Variants in DNAJB13 observed in about 807,000 individuals in gnomAD.
DNAJB13 encodes DnaJ heat shock protein family (Hsp40) member B13, also known as dnaJ homolog subfamily B member 13.
A neutral mutation model predicts 35.6 loss-of-function variants in DNAJB13; 22 were observed. That is an observed-to-expected ratio of 0.62 (90% CI 0.44 to 0.88). The LOEUF (loss-of-function observed/expected upper bound fraction) is 0.88. DNAJB13 is among the 40% of genes least tolerant of loss of function. The pLI is 0.00. For missense variants in DNAJB13, 370 were observed against 384.3 expected (o/e 0.96, Z 0.31); for synonymous variants, 136 against 144.2 (o/e 0.94, Z 0.41).
At chr11:73,964,761 GA>G (rs1177238387) in intron 3 of DNAJB13, 116 bp from the exon 4 acceptor site, 1 of 1,087,440 alleles carries the variant, frequency 9.2e-7, no homozygotes, top group Admixed American at 2.0e-5. Flanking sequence ...TCTGGATAGG[GA>G]GGCTGTGTGT....
chr11:73,956,170 G>C (rs1354125661), intron 1 of DNAJB13, among the ~76,000 whole-genome samples: 1 of 152,164 alleles, frequency 6.6e-6, no homozygotes, highest in African/African-American at 2.4e-5. Context: ...ATATACACCT[G>C]GAACACAGCA....
chr11:73,959,306 G>C (rs1177971249), intron 2 of DNAJB13, among the ~76,000 whole-genome samples, 188 bp from the exon 3 acceptor site: 3 of 151,992 alleles, frequency 2.0e-5, no homozygotes, highest in Non-Finnish European at 4.4e-5. Context: ...GCCATACCTA[G>C]GTCCTCCCAG....
At chr11:73,961,641 GA>G (rs771068139) in intron 3 of DNAJB13, among the ~76,000 whole-genome samples, 2 of 152,196 alleles carry the variant, frequency 1.3e-5, no homozygotes, top group Non-Finnish European at 2.9e-5. Flanking sequence ...AGCAGCTCAG[GA>G]ACTACCTGAT....
At chr11:73,962,651 C>T (rs1330003669) in intron 3 of DNAJB13, among the ~76,000 whole-genome samples, 1 of 152,200 alleles carries the variant, frequency 6.6e-6, no homozygotes, top group East Asian at 1.9e-4. Flanking sequence ...AGATTTTTCA[C>T]TGCCTGTTTT....
chr11:73,968,949 T>C (rs1410503592), intron 6 of DNAJB13, among the ~76,000 whole-genome samples: 4 of 152,142 alleles, frequency 2.6e-5, no homozygotes, highest in Admixed American at 2.6e-4. Context: ...CCACCACTGC[T>C]ACCACTTCCT....
intron 3 of DNAJB13, among the ~76,000 whole-genome samples, chr11:73,963,204 G>A (rs1192850379): frequency 6.6e-6 from 1 of 151,996 alleles, no homozygotes; most frequent in Non-Finnish European, 1.5e-5. Flanking sequence ...ACAAAGCCAG[G>A]CACAGTGGTG....
chr11:73,959,099 G>T (rs531921015), intron 2 of DNAJB13, among the ~76,000 whole-genome samples: 1 of 152,246 alleles, frequency 6.6e-6, no homozygotes, highest in Admixed American at 6.5e-5. Context: ...AAATTTGGAG[G>T]CTCTAGAATT....
intron 5 of DNAJB13, 29 bp from the exon 6 acceptor site, chr11:73,968,316 C>A (rs748173986): frequency 8.1e-6 from 13 of 1,606,116 alleles, no homozygotes; most frequent in African/African-American, 1.3e-5. Context: ...CCAACTAGTC[C>A]TTGTCACCTT....
intron 3 of DNAJB13, 112 bp downstream of exon 3, chr11:73,959,767 A>C: frequency 9.5e-7 from 1 of 1,049,940 alleles, no homozygotes; most frequent in Non-Finnish European, 1.2e-6. Context: ...TATTTTATTT[A>C]CTTATTTTTT....
Position 73,958,361 on chromosome 11 carries a change from AGCC to A in DNAJB13, c.115_117del (p.Pro39del). 1 of 1,614,130 alleles carries A rather than the reference AGCC, an allele frequency of 6.2e-7. No individual in the cohort carries two copies. Among genetic ancestry groups the A allele is most frequent in the Non-Finnish European group, 8.5e-7 (1 of 1,180,024 alleles). The stretch of plus-strand genomic sequence containing the variant: ...AAGCACCACCCGTTGAAGTCAAATG[AGCC>A]GTCTTCAGCAGAGATTTTCAGGCAA... On this transcript the variant is annotated inframe_deletion, in exon 2 of 8. Coordinates refer to ENST00000339764, the MANE Select transcript of DNAJB13 (RefSeq NM_153614.4).
chr11:73,966,161 C>T lies in DNAJB13; in HGVS notation c.516C>T (p.Ser172=), dbSNP rs1245952142. 6.2e-7 allele frequency: 1 copy of T among 1,613,432 alleles called. No individual in the cohort carries two copies. The highest frequency in any genetic ancestry group is 8.5e-7 in the Non-Finnish European group (1 of 1,179,890). The change falls in exon 5 of 8, where the codon TCC becomes TCT. Residue 172 remains serine, a synonymous_variant. Transcript: ENST00000339764. ...SRRVLNEDGY[S]STIKDKILTI... ...AGGTGCTGAACGAGGATGGGTACTC[C>T]TCCACCATCAAGGACAAGATCCTGA...
chr11:73,964,619 A>AAAC, intron 3 of DNAJB13: 1 of 445,658 alleles, frequency 2.2e-6, no homozygotes. Context: ...GGGGAGGTGA[A>AAAC]GCAGTGGGAA....
At chr11:73,958,932 C>G (rs574600677) in intron 2 of DNAJB13, among the ~76,000 whole-genome samples, 8 of 152,184 alleles carry the variant, frequency 5.3e-5, no homozygotes, top group Non-Finnish European at 1.2e-4. Context: ...ATCCCCGCCC[C>G]GGCACCCAGG....
intron 3 of DNAJB13, among the ~76,000 whole-genome samples, chr11:73,961,084 C>T (rs920571326): frequency 2.6e-5 from 4 of 152,040 alleles, no homozygotes; most frequent in Admixed American, 6.6e-5. Context: ...TGTAGGAATT[C>T]GGTGCCAACC....
At position 73,962,517 on chromosome 11, in the gene DNAJB13, G is replaced by A. The variant is rs192652789; in HGVS notation, c.335-2361G>A. ...GATGGCTGAGTAGGTGGATGGGTGC[G>A]TGATTCCAGGTCTGAGACAAACTGA... is the stretch of plus-strand genomic sequence containing the variant. On this transcript the variant is annotated intron_variant, in intron 3 of 7. Transcript: ENST00000339764. Among the ~76,000 whole-genome samples the A allele has an allele frequency of 7.4e-4, 107 of 143,684 alleles. 1 individual carries two copies. Among genetic ancestry groups the A allele is most frequent in the African/African-American group, 3.0e-3 (101 of 33,508 alleles). 94.3% of individuals were successfully genotyped at this position (143,684 alleles called of 152,430 possible). A position where few individuals can be genotyped will look rare whatever the true frequency, so the allele number is the denominator to read the frequency against.
Position 73,964,815 on chromosome 11 carries a change from G to GCGCGCGCGCGCCCC in DNAJB13, c.335-54_335-53insGCCCCCGCGCGCGC, listed in dbSNP as rs150548061. ...TGTGTGTGTGTGTGTGTGTGTGTGC[G>GCGCGCGCGCGCCCC]CGCGCGCGCATGTCTGGGTCTCTGG... On this transcript the variant is annotated intron_variant, in intron 3 of 7. Transcript: ENST00000339764. The GCGCGCGCGCGCCCC allele has an allele frequency of 7.4e-4, 725 of 976,552 alleles. 47 individuals are homozygous for GCGCGCGCGCGCCCC. The highest frequency in any genetic ancestry group is 3.6e-3 in the African/African-American group (187 of 51,272). The allele number at this position is 976,552 out of a possible 1,614,324, so 60.5% of individuals were successfully genotyped here. A position where few individuals can be genotyped will look rare whatever the true frequency, so the allele number is the denominator to read the frequency against.
chr11:73,962,337 C>T (rs1367142829), intron 3 of DNAJB13, among the ~76,000 whole-genome samples: 1 of 132,474 alleles, frequency 7.5e-6, no homozygotes, highest in South Asian at 2.4e-4. Context: ...TGGGTGGATG[C>T]ATGAAATGAA....
chr11:73,960,371 G>A (rs987192116), intron 3 of DNAJB13, among the ~76,000 whole-genome samples: 13 of 152,156 alleles, frequency 8.5e-5, no homozygotes, highest in Admixed American at 7.9e-4. Flanking sequence ...TAGTAGAGAC[G>A]TGGTTTCACC....
intron 6 of DNAJB13, 79 bp downstream of exon 6, chr11:73,968,537 C>A: frequency 8.6e-7 from 1 of 1,157,720 alleles, no homozygotes; most frequent in Non-Finnish European, 1.2e-6. Context: ...TTGGCCTCCC[C>A]TCCCACAACC....
Sources: allele counts gnomAD v4.1 joint callset (sites outside exome capture counted in the v4.1 genomes callset), GRCh38; gene constraint gnomAD v4.1.1; transcripts MANE v1.5; gene names NCBI Gene and HGNC (gene_info 2026-07-23, HGNC 2026-07-21).